RIMBP2: variants seen among roughly 807,000 people sequenced by gnomAD.
RIMBP2 encodes the protein RIMS-binding protein 2.
RIMBP2 carries 48 observed loss-of-function variants against 118.6 expected under a neutral mutation model. The ratio of observed to expected loss-of-function variants is 0.40; its 90% CI spans 0.32 to 0.51. The LOEUF is 0.51. Ranked by LOEUF, RIMBP2 falls within the 20% of genes least tolerant of loss-of-function variation. RIMBP2 has a pLI of 0.41. For missense variants in RIMBP2, 1,551 were observed against 1,768.3 expected, an observed-to-expected ratio of 0.88 and a Z score of 2.20; for synonymous variants, 762 against 742.9, an observed-to-expected ratio of 1.03 and a Z score of -0.42.
chr12:130,655,184 T>C (rs1464454725), intron 1 of RIMBP2, among the ~76,000 whole-genome samples: 2 of 151,858 alleles, frequency 1.3e-5, no homozygotes, highest in Non-Finnish European at 2.9e-5. Flanking sequence ...CAAAGAGGAG[T>C]GTGCCCTAGG....
In RIMBP2 at chr12:130,526,307, C is replaced by T. The variant is rs35755088; in HGVS notation, c.-216-8390G>A. On this transcript the variant is annotated intron_variant, in intron 2 of 22. Coordinates refer to ENST00000690449, the MANE Select transcript of RIMBP2 (RefSeq NM_001393629.1). ...CTCCTGTGCCGGCCTGAAGAATCACCGTATTGACTGTCCTGAGATGCTGAA... is the reference window on the plus strand; with the variant it reads ...CTCCTGTGCCGGCCTGAAGAATCACTGTATTGACTGTCCTGAGATGCTGAA... Among the ~76,000 whole-genome samples, 1,431 of 152,254 alleles carry T rather than the reference C, an allele frequency of 9.4e-3. 15 individuals carry two copies. The highest frequency in any genetic ancestry group is 0.013 in the Admixed American group (198 of 15,288).
Position 130,412,531 on chromosome 12 carries a change from G to A in RIMBP2, c.3589+88C>T, listed in dbSNP as rs2075798435. On this transcript the variant is annotated intron_variant, in intron 19 of 22. Transcript: ENST00000690449. ...GCATATTTAAATGATGCAATTTGGGGTCTCCTCATCACCGCCTGCCTCTCT... is the reference window on the plus strand; with the variant it reads ...GCATATTTAAATGATGCAATTTGGGATCTCCTCATCACCGCCTGCCTCTCT... The A allele has an allele frequency of 2.2e-5, 27 of 1,208,164 alleles. No homozygotes were observed. In the South Asian group the frequency reaches 3.8e-4, roughly 17 times the overall value. The allele number at this position is 1,208,164 out of a possible 1,614,324, so 74.8% of individuals were successfully genotyped here.
chr12:130,663,400 C>T (rs540252622), intron 1 of RIMBP2, among the ~76,000 whole-genome samples: 1 of 148,194 alleles, frequency 6.7e-6, no homozygotes, highest in Admixed American at 6.6e-5. Flanking sequence ...GTGATTTCAA[C>T]TAGGCAAGTT....
At chr12:130,495,370 G>A (rs984605712) in intron 4 of RIMBP2, among the ~76,000 whole-genome samples, 4 of 152,142 alleles carry the variant, frequency 2.6e-5, no homozygotes, top group Admixed American at 2.6e-4. Context: ...TTGCCCCTGT[G>A]AGATTTCCCC....
intron 4 of RIMBP2, among the ~76,000 whole-genome samples, chr12:130,496,432 A>T (rs10848118): frequency 2.6e-5 from 4 of 151,850 alleles, no homozygotes; most frequent in Non-Finnish European, 5.9e-5. Context: ...CTTTATTAGC[A>T]GCATGAAAAA....
intron 6 of RIMBP2, among the ~76,000 whole-genome samples, chr12:130,467,231 G>A (rs978798063): frequency 6.6e-6 from 1 of 152,170 alleles, no homozygotes; most frequent in Non-Finnish European, 1.5e-5. Context: ...CTAACAAATT[G>A]GCCACAAGAC....
intron 2 of RIMBP2, among the ~76,000 whole-genome samples, chr12:130,599,275 G>A (rs1056353841): frequency 1.3e-5 from 2 of 152,166 alleles, no homozygotes; most frequent in Non-Finnish European, 2.9e-5. Context: ...TAGATGTCAT[G>A]AAAAGTACAA....
intron 10 of RIMBP2, among the ~76,000 whole-genome samples, chr12:130,443,295 T>G (rs900298837): frequency 1.3e-5 from 2 of 150,146 alleles, no homozygotes; most frequent in African/African-American, 2.5e-5. Flanking sequence ...AGAGTGGACA[T>G]AGTGGGGACC....
intron 3 of RIMBP2, among the ~76,000 whole-genome samples, chr12:130,509,854 A>G (rs2050739043): frequency 6.6e-6 from 1 of 152,214 alleles, no homozygotes; most frequent in African/African-American, 2.4e-5. Context: ...TCTCCAAAGG[A>G]AAAAACATTA....
rs751705172 is a variant in RIMBP2, at chr12:130,407,795, T to C, written c.3624A>G (p.Val1208=). 10 of 1,613,894 alleles carry C rather than the reference T, an allele frequency of 6.2e-6. No homozygotes were observed. Among genetic ancestry groups the C allele is most frequent in the Non-Finnish European group, 8.5e-6 (10 of 1,179,946 alleles). The change falls in exon 20 of 23, where the codon GTA becomes GTG. Residue 1208 remains valine (V), a synonymous_variant. Transcript: ENST00000690449. ...ACAGGGCCACCATTCTCCGCGTCGA[T>C]ACCGAATGACGCCTGCCACTTCTCC... ...RSRRSGRRHS[V]STRRMVALYD...
At chr12:130,574,315 C>T (rs913536340) in intron 2 of RIMBP2, among the ~76,000 whole-genome samples, 8 of 152,134 alleles carry the variant, frequency 5.3e-5, no homozygotes, top group Middle Eastern at 6.8e-3. Flanking sequence ...TGTTCATCAC[C>T]GAGGGGGACA....
chr12:130,672,313 G>T lies in RIMBP2; in HGVS notation c.-351-43857C>A, dbSNP rs963425772. On this transcript the variant is annotated intron_variant, in intron 1 of 22. Coordinates refer to ENST00000690449, the MANE Select transcript of RIMBP2 (RefSeq NM_001393629.1). ...ACTCATTAAATCAATTAAATCACTC[G>T]CTTGGCAGCATTATTTATGGAAATA... 2.6e-5 allele frequency among the ~76,000 whole-genome samples: 4 copies of T among 152,156 alleles called. No homozygotes were observed. In the East Asian group the frequency reaches 5.8e-4, roughly 22 times the overall value.
chr12:130,690,532 G>A (rs1284473112), intron 1 of RIMBP2, among the ~76,000 whole-genome samples: 2 of 152,144 alleles, frequency 1.3e-5, no homozygotes, highest in East Asian at 1.9e-4. Context: ...TGATGTCTGC[G>A]GTATCCTAGA....
rs1465657908 is a variant in RIMBP2, at chr12:130,451,335, C to T, written c.364G>A (p.Glu122Lys). 1.9e-6 allele frequency: 3 copies of T among 1,601,568 alleles called. No homozygotes were observed. The South Asian group carries it at 3.3e-5, about 18-fold the overall frequency. The change falls in exon 8 of 23, where the codon GAG becomes AAG. Residue 122 changes from glutamate to lysine, a missense_variant. This residue lies in a region of RIMBP2 where 239 missense variants were observed against 256.8 expected (regional missense o/e 0.93). Transcript: ENST00000690449. The stretch of plus-strand genomic sequence containing the variant: ...GCAGAGCTGCCTCCAATAGCGCTCT[C>T]CTGACCTGGCCACGAACATTAAAAC... ...GLATSLGKGQESAIGGSSAIG... is the reference protein window; with the variant it reads ...GLATSLGKGQKSAIGGSSAIG...
At chr12:130,555,089 G>A (rs1329383069) in intron 2 of RIMBP2, among the ~76,000 whole-genome samples, 1 of 152,150 alleles carries the variant, frequency 6.6e-6, no homozygotes, top group Non-Finnish European at 1.5e-5. Context: ...AAAAAACAGA[G>A]CCAAGACAAG....
chr12:130,414,358 G>A, intron 17 of RIMBP2, 52 bp from the exon 18 acceptor site: 1 of 1,500,336 alleles, frequency 6.7e-7, no homozygotes, highest in Non-Finnish European at 8.9e-7. Flanking sequence ...TAACTGAGGA[G>A]CGTGCACGGG....
At chr12:130,677,093 C>T (rs1007709134) in intron 1 of RIMBP2, among the ~76,000 whole-genome samples, 8 of 152,124 alleles carry the variant, frequency 5.3e-5, no homozygotes, top group Non-Finnish European at 8.8e-5. Flanking sequence ...CAGGGGACAG[C>T]AGGTGATGCC....
At chr12:130,528,981 T>G (rs1364588468) in intron 2 of RIMBP2, among the ~76,000 whole-genome samples, 5 of 152,210 alleles carry the variant, frequency 3.3e-5, no homozygotes, top group African/African-American at 1.2e-4. Context: ...GAAACAGGTA[T>G]TCAAATACTT....
At chr12:130,662,151 G>A (rs7953469) in intron 1 of RIMBP2, among the ~76,000 whole-genome samples, 2 of 32,948 alleles carry the variant, frequency 6.1e-5, no homozygotes, top group Non-Finnish European at 2.1e-4. Context: ...CAAGACCTGG[G>A]GTCTCCAACA....
Sources: allele counts gnomAD v4.1 joint callset (sites outside exome capture counted in the v4.1 genomes callset), GRCh38; gene constraint gnomAD v4.1.1; regional missense constraint gnomAD v4.1.1; transcripts MANE v1.5; gene names NCBI Gene and HGNC (gene_info 2026-07-23, HGNC 2026-07-21).